CRYBA4: variants seen among roughly 807,000 people sequenced by gnomAD.
CRYBA4 encodes crystallin beta A4.
Under a neutral mutation model 31.7 loss-of-function variants are expected in CRYBA4, and 30 were observed. The observed-to-expected ratio is 0.95, with a 90% CI of 0.71 to 1.28. The LOEUF (loss-of-function observed/expected upper bound fraction) is 1.28, where lower values mean the gene tolerates loss of function less well. CRYBA4 is among the 50% of genes most tolerant of loss of function. The pLI is 0.00. For missense variants in CRYBA4, 225 were observed against 260.7 expected, an observed-to-expected ratio of 0.86 and a Z score of 0.94; for synonymous variants, 102 against 102.3, an observed-to-expected ratio of 1.00 and a Z score of 0.02.
chr22:26,624,476 G>A (rs1373956820), intron 3 of CRYBA4, among the ~76,000 whole-genome samples: 1 of 152,228 alleles, frequency 6.6e-6, no homozygotes, highest in East Asian at 1.9e-4. Flanking sequence ...GTAGAAGTTT[G>A]GAAAGTAGAT....
chr22:26,627,527 TTTC>T (rs1390223080), intron 4 of CRYBA4, among the ~76,000 whole-genome samples: 4 of 137,302 alleles, frequency 2.9e-5, no homozygotes, highest in Non-Finnish European at 3.1e-5. Context: ...TTTCTTTCTC[TTTC>T]TTTCCTTTTC....
intron 5 of CRYBA4, 112 bp from the exon 6 acceptor site, chr22:26,630,228 G>A (rs1929882199): frequency 7.1e-7 from 1 of 1,412,974 alleles, no homozygotes; most frequent in Non-Finnish European, 9.8e-7. Context: ...GAGCACTGAA[G>A]AAAGGCCAGG....
the CRYBA4 span, among the ~76,000 whole-genome samples, chr22:26,600,716 T>C: frequency 6.6e-6 from 1 of 152,388 alleles, no homozygotes; most frequent in Admixed American, 6.5e-5. Flanking sequence ...ACTTCTCTCA[T>C]TGTCTTTGCT....
chr22:26,626,382 C>T (rs532751858), intron 4 of CRYBA4, among the ~76,000 whole-genome samples: 15 of 152,186 alleles, frequency 9.9e-5, no homozygotes, highest in Admixed American at 9.8e-4. Flanking sequence ...CCAGCCTGGG[C>T]GCCAGAGCAA....
intron 2 of CRYBA4, 86 bp from the exon 3 acceptor site, chr22:26,623,148 C>A: frequency 8.9e-7 from 1 of 1,119,164 alleles, no homozygotes; most frequent in Non-Finnish European, 1.4e-6. Context: ...CCTGCTTTAC[C>A]TGCCAGATCC....
At chr22:26,619,354 C>A (rs553899257), upstream of CRYBA4, among the ~76,000 whole-genome samples, 20 of 152,294 alleles carry the variant, frequency 1.3e-4, no homozygotes, top group African/African-American at 4.3e-4. Flanking sequence ...AGGGCCCAAT[C>A]CTCCCATTTC....
At chr22:26,599,770 C>T in the CRYBA4 span, 2 of 919,592 alleles carry the variant, frequency 2.2e-6, no homozygotes, top group Admixed American at 1.9e-5. Flanking sequence ...TTGATCCCTG[C>T]AGTCGGCTGC....
chr22:26,623,170 C>T (rs1569210223), intron 2 of CRYBA4, 64 bp from the exon 3 acceptor site: 1 of 1,394,030 alleles, frequency 7.2e-7, no homozygotes, highest in Non-Finnish European at 1.0e-6. Context: ...GGGGCGAGCC[C>T]CCAACCTCTC....
At chr22:26,603,144 AC>A in the CRYBA4 span, among the ~76,000 whole-genome samples, 28 of 150,810 alleles carry the variant, frequency 1.9e-4, no homozygotes, top group Non-Finnish European at 2.1e-4. Flanking sequence ...AAAAAAAAAA[AC>A]AAAAAACAAA....
At chr22:26,625,350 G>C in intron 3 of CRYBA4, 131 bp from the exon 4 acceptor site, 1 of 1,059,880 alleles carries the variant, frequency 9.4e-7, no homozygotes, top group Non-Finnish European at 1.4e-6. Context: ...TCCAGCCATC[G>C]TCAAGTGTTT....
the CRYBA4 span, among the ~76,000 whole-genome samples, chr22:26,597,242 C>G: frequency 6.6e-6 from 1 of 152,160 alleles, no homozygotes; most frequent in African/African-American, 2.4e-5. Flanking sequence ...CCCACACAAC[C>G]ACCAAGCTAA....
upstream of CRYBA4, among the ~76,000 whole-genome samples, chr22:26,619,510 G>C (rs929542772): frequency 2.6e-5 from 4 of 152,180 alleles, no homozygotes. Context: ...CCCAGGCAGG[G>C]TATATTGCGG....
At chr22:26,609,476 G>T in the CRYBA4 span, among the ~76,000 whole-genome samples, 15 of 152,222 alleles carry the variant, frequency 9.9e-5, no homozygotes, top group Non-Finnish European at 1.6e-4. Context: ...ATGAATGGAT[G>T]CATGGATAAA....
the CRYBA4 span, among the ~76,000 whole-genome samples, chr22:26,612,721 T>G: frequency 6.6e-6 from 1 of 152,202 alleles, no homozygotes. Context: ...TTTCAGGCCT[T>G]TCTTTGTGCT....
At chr22:26,618,574 C>T (rs768546980), upstream of CRYBA4, among the ~76,000 whole-genome samples, 1 of 152,202 alleles carries the variant, frequency 6.6e-6, no homozygotes, top group Non-Finnish European at 1.5e-5. Flanking sequence ...GTGCCGAACC[C>T]GTGTTATCTC....
At chr22:26,602,540 A>G in the CRYBA4 span, among the ~76,000 whole-genome samples, 2 of 151,712 alleles carry the variant, frequency 1.3e-5, no homozygotes, top group Non-Finnish European at 2.9e-5. Context: ...GCAGCGAGAT[A>G]TGATTACACC....
the CRYBA4 span, chr22:26,607,801 TCTC>T: frequency 6.3e-7 from 1 of 1,588,986 alleles, no homozygotes; most frequent in South Asian, 1.1e-5. Flanking sequence ...CCCACCATCA[TCTC>T]CTTCTTGCCC....
intron 5 of CRYBA4, among the ~76,000 whole-genome samples, chr22:26,629,634 C>T (rs5752358): frequency 2.1e-5 from 3 of 145,794 alleles, no homozygotes; most frequent in African/African-American, 5.0e-5. Context: ...CCCAGCCACT[C>T]GGATGAGGCA....
intron 3 of CRYBA4, among the ~76,000 whole-genome samples, chr22:26,624,440 G>A (rs1236293064): frequency 6.6e-6 from 1 of 152,250 alleles, no homozygotes; most frequent in Admixed American, 6.5e-5. Context: ...GATGTGGCCA[G>A]TAGCTACCAT....
Sources: allele counts gnomAD v4.1 joint callset (sites outside exome capture counted in the v4.1 genomes callset), GRCh38; gene constraint gnomAD v4.1.1; transcripts MANE v1.5; gene names NCBI Gene and HGNC (gene_info 2026-07-23, HGNC 2026-07-21).